Variants in DUSP15 observed in about 807,000 individuals in gnomAD.
DUSP15 encodes the protein dual specificity phosphatase 15.
DUSP15 carries 23 observed loss-of-function variants against 26.3 expected under a neutral mutation model. The observed-to-expected ratio is 0.87, with a 90% CI of 0.63 to 1.24. DUSP15 has a LOEUF of 1.24. Among genes scored for constraint, DUSP15 ranks in the 50% most tolerant of loss-of-function variants. The probability of loss-of-function intolerance (pLI) is 0.00; values close to 1 mark genes in which losing one functional copy is unlikely to be tolerated. For missense variants in DUSP15, 364 were observed against 320.6 expected, an observed-to-expected ratio of 1.14 and a Z score of -1.03; for synonymous variants, 143 against 135.5, an observed-to-expected ratio of 1.06 and a Z score of -0.39.
At chr20:31,853,569 C>T (rs1321598902) in intron 6 of DUSP15, among the ~76,000 whole-genome samples, 1 of 151,742 alleles carries the variant, frequency 6.6e-6, no homozygotes, top group African/African-American at 2.4e-5. Flanking sequence ...TGCCTGTAGT[C>T]CTAGCTACTT....
intron 6 of DUSP15, 132 bp from the exon 7 acceptor site, chr20:31,861,807 C>T (rs1364433183): frequency 2.8e-6 from 2 of 719,968 alleles, no homozygotes; most frequent in Non-Finnish European, 4.1e-6. Flanking sequence ...CCCTCCCTTC[C>T]TGAGCGTCTT....
chr20:31,856,210 G>A (rs2062559659), downstream of DUSP15, among the ~76,000 whole-genome samples: 1 of 152,236 alleles, frequency 6.6e-6, no homozygotes, highest in African/African-American at 2.4e-5. Flanking sequence ...AGGTTTAACG[G>A]TGATAAAGAC....
At chr20:31,866,389 C>T (rs942966980) in intron 3 of DUSP15, among the ~76,000 whole-genome samples, 7 of 152,142 alleles carry the variant, frequency 4.6e-5, no homozygotes, top group East Asian at 1.9e-4. Flanking sequence ...ATAAAGTTCC[C>T]GTTTTACAGA....
At chr20:31,855,793 C>T (rs2062551411) in intron 6 of DUSP15, among the ~76,000 whole-genome samples, 1 of 152,218 alleles carries the variant, frequency 6.6e-6, no homozygotes, top group African/African-American at 2.4e-5. Flanking sequence ...AAGACAAACT[C>T]ACACCAGACA....
At chr20:31,862,512 C>G (rs530331150) in intron 6 of DUSP15, 59 bp downstream of exon 6, 6 of 1,514,382 alleles carry the variant, frequency 4.0e-6, no homozygotes, top group Non-Finnish European at 5.3e-6. Context: ...GTGATCAGTT[C>G]GAGTGGGAAG....
chr20:31,849,267 C>T (rs1011012156), intron 8 of DUSP15, among the ~76,000 whole-genome samples: 1 of 152,104 alleles, frequency 6.6e-6, no homozygotes, highest in Non-Finnish European at 1.5e-5. Context: ...GCACACCCAA[C>T]GCCTCAAGCC....
At chr20:31,850,517 T>G in intron 7 of DUSP15, 1 of 1,294,962 alleles carries the variant, frequency 7.7e-7, no homozygotes, top group East Asian at 2.5e-5. Context: ...CTGGGCTGGG[T>G]GCTTTGGGTG....
At chr20:31,869,645 T>G (rs756128800) in intron 1 of DUSP15, 48 bp from the exon 2 acceptor site, 1 of 1,608,046 alleles carries the variant, frequency 6.2e-7, no homozygotes, top group African/African-American at 1.3e-5. Context: ...CTGCACCCCC[T>G]TCCACCCCCA....
downstream of DUSP15, among the ~76,000 whole-genome samples, chr20:31,846,148 A>ATAAG (rs1357694919): frequency 3.7e-5 from 5 of 136,046 alleles, no homozygotes; most frequent in African/African-American, 1.8e-4. Context: ...ACACACAGAC[A>ATAAG]CACACACACA....
intron 3 of DUSP15, among the ~76,000 whole-genome samples, chr20:31,865,718 C>G (rs1038024950): frequency 3.9e-5 from 6 of 152,228 alleles, no homozygotes; most frequent in African/African-American, 1.4e-4. Context: ...GCCCTTCTCT[C>G]ACTCACATTC....
chr20:31,849,483 C>A, intron 8 of DUSP15: 1 of 697,438 alleles, frequency 1.4e-6, no homozygotes, highest in South Asian at 1.5e-5. Flanking sequence ...TTGCCCACCG[C>A]GTCCTTATGC....
rs185100074 is a variant in DUSP15 at position 31,849,688 on chromosome 20, G to A, written c.628+50C>T. ...CTGCACACCGCGCTCCAGGTGAGGC[G>A]GCAGGCCCTGCAACACGTGGGCGCT... On this transcript the variant is annotated intron_variant, in intron 8 of 9. Transcript: ENST00000278979. The A allele has an allele frequency of 4.0e-5, 61 of 1,532,462 alleles. No homozygotes were observed. In the African/African-American group the frequency reaches 6.6e-4, roughly 17 times the overall value. The allele number at this position is 1,532,462 out of a possible 1,614,324, so 94.9% of individuals were successfully genotyped here. A position where few individuals can be genotyped will look rare whatever the true frequency, so the allele number is the denominator to read the frequency against.
intron 2 of DUSP15, 137 bp from the exon 3 acceptor site, chr20:31,867,290 G>A: frequency 1.4e-6 from 1 of 712,374 alleles, no homozygotes; most frequent in South Asian, 1.7e-5. Flanking sequence ...CCGGCTCCCT[G>A]ATCCTCTTGC....
downstream of DUSP15, chr20:31,860,925 A>G: frequency 1.5e-5 from 14 of 926,506 alleles, no homozygotes; most frequent in Non-Finnish European, 1.8e-5. Context: ...CAGTTGCGGG[A>G]GGGTGGTGGG....
chr20:31,845,710 G>A (rs888230467), downstream of DUSP15: 7 of 760,370 alleles, frequency 9.2e-6, no homozygotes, highest in African/African-American at 3.5e-5. Flanking sequence ...CTCCTCCCTC[G>A]CCCCACTCCC....
At chr20:31,846,903 C>A (rs780542937), downstream of DUSP15, among the ~76,000 whole-genome samples, 3 of 152,184 alleles carry the variant, frequency 2.0e-5, no homozygotes, top group Non-Finnish European at 4.4e-5. Context: ...ACACAGAATG[C>A]AGCACCCTCA....
At position 31,868,700 on chromosome 20, in the gene DUSP15, G is replaced by A. The variant is rs376186414; in HGVS notation, c.55+864C>T. Among the ~76,000 whole-genome samples the A allele has an allele frequency of 3.9e-5, 6 of 152,104 alleles. No homozygotes were observed. The East Asian group carries it at 1.2e-3, about 29-fold the overall frequency. ...TCACTATGTTGGCCAGGCTGGTCTC[G>A]AACTCCTGACCTCAGGTGGTCTGCC... On this transcript the variant is annotated intron_variant, in intron 2 of 6. Transcript: ENST00000339738.
chr20:31,869,530 G>T, intron 2 of DUSP15, 34 bp downstream of exon 2: 1 of 1,605,818 alleles, frequency 6.2e-7, no homozygotes, highest in Non-Finnish European at 8.5e-7. Context: ...CAGGCAGAGT[G>T]CCATGGCCTC....
Position 31,870,031 on chromosome 20 carries a change from C to G in DUSP15, c.21+286G>C. 1 of 1,314,492 alleles carries G rather than the reference C, an allele frequency of 7.6e-7. No homozygotes were observed. The highest frequency in any genetic ancestry group is 9.7e-7 in the Non-Finnish European group (1 of 1,033,468). The allele number at this position is 1,314,492 out of a possible 1,614,324, so 81.4% of individuals were successfully genotyped here. A position where few individuals can be genotyped will look rare whatever the true frequency, so the allele number is the denominator to read the frequency against. On this transcript the variant is annotated intron_variant, in intron 1 of 6. Transcript: ENST00000339738. This position sits in a 1 kb window ranked among gnomAD's most constrained non-coding sequence, Gnocchi z 6.6. Reference sequence around the variant, plus strand: ...GACAAGGGAGAGGGACACATGCAGACGGAGAGCAGGACTCACTGGGAGACA... The same window carrying G: ...GACAAGGGAGAGGGACACATGCAGAGGGAGAGCAGGACTCACTGGGAGACA...
Sources: gnomAD v4.1 joint callset for allele counts (sites outside exome capture counted in the v4.1 genomes callset) on GRCh38, gnomAD v4.1.1 for gene constraint, Gnocchi (gnomAD v3.1) non-coding constraint, MANE v1.5 for transcripts, NCBI Gene and HGNC (gene_info 2026-07-23, HGNC 2026-07-21) for gene names.